Variants in TIAM1 observed in about 807,000 individuals in gnomAD.
The protein encoded by TIAM1 is rho guanine nucleotide exchange factor TIAM1.
A neutral mutation model predicts 163.5 loss-of-function variants in TIAM1; 65 were observed. The ratio of observed to expected loss-of-function variants is 0.40; its 90% CI spans 0.33 to 0.49. The LOEUF is 0.49. TIAM1 is among the 20% of genes least tolerant of loss of function. The pLI is 0.77. For missense variants in TIAM1, 1,789 were observed against 2,044.7 expected, an observed-to-expected ratio of 0.87 and a Z score of 2.41; for synonymous variants, 833 against 810.1, an observed-to-expected ratio of 1.03 and a Z score of -0.48.
chr21:31,432,324 C>T (rs1053692967), intron 2 of TIAM1, among the ~76,000 whole-genome samples: 1 of 152,122 alleles, frequency 6.6e-6, no homozygotes. Flanking sequence ...TGGTCTCGAT[C>T]TCCTGACCTC....
intron 2 of TIAM1, among the ~76,000 whole-genome samples, chr21:31,425,614 A>G (rs1276555228): frequency 3.8e-5 from 5 of 129,952 alleles, no homozygotes; most frequent in East Asian, 2.1e-4. Context: ...TTTTATTTCA[A>G]TTCCCTCCCT....
intron 2 of TIAM1, among the ~76,000 whole-genome samples, chr21:31,350,077 C>T (rs1309706808): frequency 6.6e-6 from 1 of 152,202 alleles, no homozygotes; most frequent in East Asian, 1.9e-4. Context: ...GCAAAAAGTA[C>T]AGTTCTGGCA....
chr21:31,373,822 TA>T (rs2076639990), intron 2 of TIAM1, among the ~76,000 whole-genome samples: 1 of 152,150 alleles, frequency 6.6e-6, no homozygotes, highest in Non-Finnish European at 1.5e-5. Flanking sequence ...TACATAAATA[TA>T]CTTCCTTTTC....
chr21:31,302,216 G>C (rs527347536), intron 2 of TIAM1, among the ~76,000 whole-genome samples: 26 of 152,162 alleles, frequency 1.7e-4, no homozygotes, highest in Non-Finnish European at 5.9e-5. Flanking sequence ...ATCACTTTAA[G>C]TAACTGTCTT....
At chr21:31,187,975 T>C (rs764294239) in intron 13 of TIAM1, among the ~76,000 whole-genome samples, 1 of 152,156 alleles carries the variant, frequency 6.6e-6, no homozygotes, top group Non-Finnish European at 1.5e-5. Flanking sequence ...CTGCAATAAT[T>C]TCAGCTCTGG....
rs554509160 is a variant in TIAM1 at position 31,297,161 on chromosome 21, A to G, written c.-188-20253T>C. Among the ~76,000 whole-genome samples the G allele has an allele frequency of 1.1e-3, 167 of 152,364 alleles. 2 individuals carry two copies. Among genetic ancestry groups the G allele is most frequent in the Non-Finnish European group, 1.5e-3 (100 of 68,034 alleles). On this transcript the variant is annotated intron_variant, in intron 2 of 27. Coordinates refer to ENST00000541036, the MANE Select transcript of TIAM1 (RefSeq NM_001353694.2). ...ATGAATAAAACTCAATTACAATTTC[A>G]CATTATATAAAATTAGAGGGTATAC...
upstream of TIAM1, among the ~76,000 whole-genome samples, chr21:31,344,874 T>A (rs2076117204): frequency 6.6e-6 from 1 of 152,184 alleles, no homozygotes; most frequent in African/African-American, 2.4e-5. Flanking sequence ...CTGAAATACA[T>A]CCCTCTTTCC....
chr21:31,489,237 G>A (rs1197775571), intron 1 of TIAM1, among the ~76,000 whole-genome samples: 1 of 150,430 alleles, frequency 6.6e-6, no homozygotes, highest in African/African-American at 2.5e-5. Flanking sequence ...AGGCATAGTG[G>A]TGCACACCCA....
At chr21:31,171,041 A>C (rs557964556) in intron 15 of TIAM1, among the ~76,000 whole-genome samples, 29 of 149,658 alleles carry the variant, frequency 1.9e-4, no homozygotes, top group African/African-American at 7.1e-4. Flanking sequence ...ATCTCAAAAA[A>C]AAAAAAAAAA....
chr21:31,213,327 C>G, intron 10 of TIAM1, 71 bp downstream of exon 10: 1 of 1,340,558 alleles, frequency 7.5e-7, no homozygotes, highest in Non-Finnish European at 1.0e-6. Context: ...TAGCTCAAGA[C>G]AACACTGCAC....
chr21:31,244,591 A>T (rs1013689264), intron 6 of TIAM1, among the ~76,000 whole-genome samples: 1 of 152,160 alleles, frequency 6.6e-6, no homozygotes, highest in Non-Finnish European at 1.5e-5. Context: ...CAGGCGTGGC[A>T]GCAGGTGCCT....
At chr21:31,435,923 TGCA>T (rs1478933905) in intron 2 of TIAM1, among the ~76,000 whole-genome samples, 2 of 152,220 alleles carry the variant, frequency 1.3e-5, no homozygotes. Context: ...CCTCACCAGA[TGCA>T]GCCCCTTGAT....
chr21:31,152,597 C>T (rs557459214), intron 19 of TIAM1, 39 bp downstream of exon 19: 17 of 1,611,666 alleles, frequency 1.1e-5, no homozygotes, highest in East Asian at 8.9e-5. Context: ...TTGAGCCACA[C>T]TATAGCCCTG....
chr21:31,442,087 A>ATATATATATATATATATATATATATATAT (rs1273070445), intron 2 of TIAM1, among the ~76,000 whole-genome samples: 1 of 127,208 alleles, frequency 7.9e-6, no homozygotes, highest in African/African-American at 2.8e-5. Flanking sequence ...ATATATATAT[A>ATATATATATATATATATATATATATATAT]GAACAATAAG....
At chr21:31,273,625 G>A (rs536384968) in intron 3 of TIAM1, among the ~76,000 whole-genome samples, 19 of 152,268 alleles carry the variant, frequency 1.2e-4, no homozygotes, top group African/African-American at 3.6e-4. Flanking sequence ...ATAACAACAA[G>A]GAAAAATCAA....
chr21:31,390,988 G>A (rs1007603835), intron 2 of TIAM1, among the ~76,000 whole-genome samples: 1 of 152,148 alleles, frequency 6.6e-6, no homozygotes, highest in African/African-American at 2.4e-5. Flanking sequence ...TCTTCTTAAA[G>A]GCAGACAGGC....
At chr21:31,430,210 G>GAAA (rs57117941) in intron 2 of TIAM1, among the ~76,000 whole-genome samples, 15 of 89,408 alleles carry the variant, frequency 1.7e-4, no homozygotes, top group East Asian at 3.0e-4. Flanking sequence ...CCATCTCAAA[G>GAAA]AAAAAAAAAA....
intron 4 of TIAM1, among the ~76,000 whole-genome samples, chr21:31,257,989 T>TC (rs1353209940): frequency 1.5e-5 from 2 of 129,810 alleles, no homozygotes; most frequent in Non-Finnish European, 3.3e-5. Context: ...GCCAGCTCCC[T>TC]CCTCCCCTCC....
intron 1 of TIAM1, among the ~76,000 whole-genome samples, chr21:31,511,236 GC>G (rs2047201259): frequency 6.6e-6 from 1 of 152,196 alleles, no homozygotes; most frequent in African/African-American, 2.4e-5. Context: ...AGGACACTCA[GC>G]CCTAGGAAAC....
Sources: allele counts gnomAD v4.1 joint callset (sites outside exome capture counted in the v4.1 genomes callset), GRCh38; gene constraint gnomAD v4.1.1; transcripts MANE v1.5; gene names NCBI Gene and HGNC (gene_info 2026-07-23, HGNC 2026-07-21).